Variants in RBFOX1 observed in about 807,000 individuals in gnomAD.
RBFOX1 encodes RNA binding fox-1 homolog 1, also known as RNA binding protein fox-1 homolog 1.
RBFOX1 carries 8 observed loss-of-function variants against 57.7 expected under a neutral mutation model. The observed-to-expected ratio is 0.14, with a 90% confidence interval of 0.08 to 0.25. The LOEUF (loss-of-function observed/expected upper bound fraction) is 0.25, where lower values mean the gene tolerates loss of function less well. Ranked by LOEUF, RBFOX1 falls within the 10% of genes least tolerant of loss-of-function variation. The pLI is 1.00. For synonymous variants in RBFOX1, 326 were observed against 222.4 expected (o/e 1.47, Z -4.15); for missense variants, 611 against 548.5 (o/e 1.11, Z -1.14).
At chr16:7,304,911 G>A (rs981855329) in intron 4 of RBFOX1, among the ~76,000 whole-genome samples, 1 of 118,542 alleles carries the variant, frequency 8.4e-6, no homozygotes, top group East Asian at 2.6e-4. Context: ...GTGGTGTGTG[G>A]TGTGGTGTGT....
intron 1 of RBFOX1, among the ~76,000 whole-genome samples, chr16:5,328,748 C>T (rs538146712): frequency 2.0e-5 from 3 of 152,172 alleles, no homozygotes; most frequent in Admixed American, 1.3e-4. Flanking sequence ...GCTGATTGGC[C>T]CAAAAGTGGC....
At chr16:6,419,631 C>G (rs7189582) in intron 2 of RBFOX1, among the ~76,000 whole-genome samples, 2 of 151,958 alleles carry the variant, frequency 1.3e-5, no homozygotes, top group Non-Finnish European at 2.9e-5. Flanking sequence ...TGCTTCCCTG[C>G]GTGGTGTGGT....
intron 2 of RBFOX1, among the ~76,000 whole-genome samples, chr16:5,579,303 C>T (rs1213067791): frequency 3.3e-5 from 5 of 152,242 alleles, no homozygotes; most frequent in African/African-American, 1.2e-4. Context: ...CCGTCCGTCA[C>T]TCCCCACCCA....
intron 3 of RBFOX1, among the ~76,000 whole-genome samples, chr16:6,966,875 G>A (rs115068402): frequency 0.018 from 2,710 of 147,292 alleles, 75 homozygotes; most frequent in African/African-American, 0.064. Flanking sequence ...ATCTATCCAT[G>A]TATCCATCTA....
chr16:6,667,731 T>A (rs1337779277), intron 3 of RBFOX1, among the ~76,000 whole-genome samples: 2 of 151,830 alleles, frequency 1.3e-5, no homozygotes, highest in East Asian at 3.9e-4. Flanking sequence ...AAGAAAAAAA[T>A]ATAGCCACAT....
chr16:5,712,813 T>C (rs2051543018), intron 3 of RBFOX1, among the ~76,000 whole-genome samples: 1 of 152,216 alleles, frequency 6.6e-6, no homozygotes, highest in South Asian at 2.1e-4. Flanking sequence ...TTTTTAATGC[T>C]ACTTCTTTTG....
intron 5 of RBFOX1, among the ~76,000 whole-genome samples, chr16:7,538,063 C>G (rs2081974807): frequency 6.6e-6 from 1 of 152,142 alleles, no homozygotes; most frequent in Non-Finnish European, 1.5e-5. Flanking sequence ...AATGGAGGTA[C>G]CCGCAGAGTG....
At chr16:6,692,310 A>G (rs1028448619) in intron 3 of RBFOX1, among the ~76,000 whole-genome samples, 1 of 144,826 alleles carries the variant, frequency 6.9e-6, no homozygotes, top group Non-Finnish European at 1.5e-5. Context: ...AACATTAAAG[A>G]GCAGATGTCG....
At chr16:6,856,972 A>C (rs2058028183) in intron 3 of RBFOX1, among the ~76,000 whole-genome samples, 1 of 152,158 alleles carries the variant, frequency 6.6e-6, no homozygotes, top group African/African-American at 2.4e-5. Flanking sequence ...GGGAGGGACA[A>C]AGAGAAGGAG....
intron 14 of RBFOX1, among the ~76,000 whole-genome samples, chr16:7,697,513 A>C (rs1166339147): frequency 1.1e-5 from 1 of 90,284 alleles, no homozygotes. Context: ...TATGATATAC[A>C]TACATGCATG....
At chr16:7,272,395 G>C (rs1039662102) in intron 4 of RBFOX1, among the ~76,000 whole-genome samples, 5 of 152,086 alleles carry the variant, frequency 3.3e-5, no homozygotes, top group African/African-American at 1.2e-4. Flanking sequence ...ATGTTGGCCA[G>C]GTTGGGCTTG....
chr16:6,827,366 T>C lies in RBFOX1; in HGVS notation c.-16+172716T>C, dbSNP rs79774427. 1.6e-4 allele frequency among the ~76,000 whole-genome samples: 25 copies of C among 152,284 alleles called. 1 individual carries two copies. The East Asian group carries it at 4.8e-3, about 29-fold the overall frequency. On this transcript the variant is annotated intron_variant, in intron 3 of 15. Transcript: ENST00000550418. The stretch of plus-strand genomic sequence containing the variant: ...AAAGAAGAAATGGGAAGATGTGTTG[T>C]GTGCCTTATCTGACCCAGCATTATC...
intron 3 of RBFOX1, among the ~76,000 whole-genome samples, chr16:5,605,512 T>C (rs917211325): frequency 6.6e-6 from 1 of 151,988 alleles, no homozygotes; most frequent in Non-Finnish European, 1.5e-5. Flanking sequence ...ATGATTAATG[T>C]CTGCCTTTGG....
intron 3 of RBFOX1, among the ~76,000 whole-genome samples, chr16:6,717,197 A>T (rs770833445): frequency 6.6e-6 from 1 of 152,128 alleles, no homozygotes; most frequent in Non-Finnish European, 1.5e-5. Context: ...AACTCGACTA[A>T]AATGGTGGGG....
At chr16:6,387,069 A>G (rs990348064) in intron 2 of RBFOX1, among the ~76,000 whole-genome samples, 2 of 152,208 alleles carry the variant, frequency 1.3e-5, no homozygotes, top group Admixed American at 6.5e-5. Context: ...GCAAGGGGAA[A>G]TGACTAAAGT....
intron 4 of RBFOX1, among the ~76,000 whole-genome samples, chr16:7,240,659 A>G (rs1434379730): frequency 2.6e-5 from 4 of 151,956 alleles, no homozygotes; most frequent in African/African-American, 9.7e-5. Flanking sequence ...GGCTCAAGTG[A>G]TCCTCCCATC....
Position 6,048,512 on chromosome 16 carries a change from A to C in RBFOX1, c.-127+28520A>C, listed in dbSNP as rs2095518279. On this transcript the variant is annotated intron_variant, in intron 1 of 15. Coordinates refer to ENST00000550418, the MANE Select transcript of RBFOX1 (RefSeq NM_018723.4). The stretch of plus-strand genomic sequence containing the variant: ...CTGGATTAAAGTACGTGCCTTTTCA[A>C]ATGATGCATCGTGGAAAGGTTATTA... Among the ~76,000 whole-genome samples the C allele has an allele frequency of 3.9e-5, 6 of 152,310 alleles. No individual in the cohort carries two copies. In the South Asian group the frequency reaches 1.2e-3, roughly 32 times the overall value.
intron 1 of RBFOX1, among the ~76,000 whole-genome samples, chr16:5,417,863 T>C (rs1596968105): frequency 6.6e-6 from 1 of 152,182 alleles, no homozygotes; most frequent in South Asian, 2.1e-4. Context: ...GGTGGATCAC[T>C]TGAGGTCAGG....
chr16:5,539,012 G>C (rs2151054792), intron 2 of RBFOX1, among the ~76,000 whole-genome samples: 1 of 152,278 alleles, frequency 6.6e-6, no homozygotes, highest in Admixed American at 6.5e-5. Flanking sequence ...ATGGCTTTAG[G>C]AGGGTCCTTG....
Sources: allele counts gnomAD v4.1 joint callset (sites outside exome capture counted in the v4.1 genomes callset), GRCh38; gene constraint gnomAD v4.1.1; transcripts MANE v1.5; gene names NCBI Gene and HGNC (gene_info 2026-07-23, HGNC 2026-07-21).